Variants in TLE2 observed in about 807,000 individuals in gnomAD.
The protein encoded by TLE2 is transducin-like enhancer protein 2.
Under a neutral mutation model 97.2 loss-of-function variants are expected in TLE2, and 74 were observed. The observed-to-expected ratio is 0.76, with a 90% confidence interval of 0.63 to 0.92. The LOEUF is 0.92. Among genes scored for constraint, TLE2 ranks in the 40% least tolerant of loss-of-function variants. TLE2 has a pLI of 0.00. For missense variants in TLE2, 1,038 were observed against 1,008.7 expected (o/e 1.03, Z -0.39); for synonymous variants, 499 against 432.1 (o/e 1.15, Z -1.92).
intron 14 of TLE2, 122 bp from the exon 15 acceptor site, chr19:3,006,791 TTTG>T: frequency 7.1e-7 from 1 of 1,403,926 alleles, no homozygotes; most frequent in Non-Finnish European, 9.4e-7. Flanking sequence ...TATTTTTTGT[TTTG>T]TTTTTTGAGA....
intron 7 of TLE2, among the ~76,000 whole-genome samples, chr19:3,018,588 T>C (rs2089765936): frequency 7.0e-6 from 1 of 142,544 alleles, no homozygotes; most frequent in African/African-American, 2.6e-5. Flanking sequence ...CCACCGTGCC[T>C]GGCTATCTAT....
upstream of TLE2, among the ~76,000 whole-genome samples, chr19:3,047,246 G>A (rs1448676330): frequency 7.3e-6 from 1 of 137,806 alleles, no homozygotes; most frequent in Non-Finnish European, 1.6e-5. Context: ...AGCCGAGGTC[G>A]CCCGCGGCGC....
rs1306101885 is a variant in TLE2 at position 3,009,677 on chromosome 19, G to A, written c.1038C>T (p.Ser346=). The change falls in exon 13 of 20, where the codon TCC becomes TCT. Residue 346 remains serine (S), a synonymous_variant. Transcript: ENST00000262953. ...GGCTGAAGGACGTGGTGAAGGGACT[G>A]GACAGAGTCAGGGGGCTCCTCAGGG... ...SVALRSPLTL[S]SPFTTSFSLG... 3 of 1,612,554 alleles carry A rather than the reference G, an allele frequency of 1.9e-6. No homozygotes were observed. Among genetic ancestry groups the A allele is most frequent in the South Asian group, 2.2e-5 (2 of 90,692 alleles).
Position 2,997,773 on chromosome 19 carries a change from G to A in TLE2, c.*75C>T, listed in dbSNP as rs1197548219. The A allele has an allele frequency of 1.3e-5, 14 of 1,101,362 alleles. No homozygotes were observed. In the Admixed American group the frequency reaches 2.6e-4, roughly 20 times the overall value. The allele number at this position is 1,101,362 out of a possible 1,614,324, so 68.2% of individuals were successfully genotyped here. A position where few individuals can be genotyped will look rare whatever the true frequency, so the allele number is the denominator to read the frequency against. On this transcript the variant is annotated 3_prime_UTR_variant, in exon 20 of 20. Transcript: ENST00000262953. ...GGTTCCTAGGCAGGGCTGGGAGGCG[G>A]CTGCTAGGATGTCTGTCCTGGCTGC...
rs149234305 is a variant in TLE2, at chr19:3,044,285, G to C, written c.63+1441C>G. On this transcript the variant is annotated intron_variant, in intron 1 of 18. Coordinates refer to the TLE2 transcript ENST00000426948. ...CCCCTGGTGTCCCATGGAGGATCTC[G>C]ATAATCGCACATCTGGGTGTGCCGC... 8.8e-3 allele frequency among the ~76,000 whole-genome samples: 1,336 copies of C among 152,208 alleles called. 13 individuals carry two copies. The highest frequency in any genetic ancestry group is 0.013 in the African/African-American group (555 of 41,528).
chr19:3,032,977 A>G (rs1373114502), upstream of TLE2, among the ~76,000 whole-genome samples: 1 of 149,708 alleles, frequency 6.7e-6, no homozygotes, highest in East Asian at 2.0e-4. The surrounding 1 kb of genome is among the most constrained non-coding windows in gnomAD (Gnocchi z 4.1). Flanking sequence ...TCTGTCGTCC[A>G]GGCTGGAGTG....
intron 5 of TLE2, among the ~76,000 whole-genome samples, chr19:3,024,233 T>C (rs1006305093): frequency 7.9e-5 from 12 of 151,924 alleles, no homozygotes; most frequent in Non-Finnish European, 1.5e-4. Context: ...CTCGAACTCC[T>C]GACCTCTGGT....
chr19:3,007,522 T>C (rs554218780), intron 14 of TLE2, among the ~76,000 whole-genome samples: 1 of 152,246 alleles, frequency 6.6e-6, no homozygotes, highest in South Asian at 2.1e-4. Flanking sequence ...AGCACTGGGA[T>C]TACAGGAGTG....
upstream of TLE2, among the ~76,000 whole-genome samples, chr19:3,031,349 T>C (rs1450727854): frequency 3.5e-5 from 2 of 57,956 alleles, no homozygotes; most frequent in African/African-American, 1.2e-4. Flanking sequence ...CAATTGTGTG[T>C]GTGTGTGTGT....
At chr19:3,027,568 C>T (rs1040647977) in intron 4 of TLE2, among the ~76,000 whole-genome samples, 4 of 152,180 alleles carry the variant, frequency 2.6e-5, no homozygotes, top group Non-Finnish European at 5.9e-5. Flanking sequence ...TGCCTGGTGG[C>T]CCCTGCCCAC....
chr19:3,011,250 A>C, intron 11 of TLE2, 90 bp from the exon 12 acceptor site: 1 of 1,394,496 alleles, frequency 7.2e-7, no homozygotes, highest in East Asian at 2.6e-5. Context: ...GGGGGCGGCC[A>C]GTCGCAGTGT....
chr19:3,029,357 C>G (rs1267188076), upstream of TLE2, among the ~76,000 whole-genome samples: 1 of 144,408 alleles, frequency 6.9e-6, no homozygotes, highest in Non-Finnish European at 1.5e-5. Flanking sequence ...CGCCCACCCC[C>G]GCGCACCGCC....
chr19:2,998,236 A>AGT (rs1568227253), intron 19 of TLE2, among the ~76,000 whole-genome samples: 1 of 85,136 alleles, frequency 1.2e-5, no homozygotes, highest in Non-Finnish European at 2.2e-5. Context: ...ACGCCCGGCC[A>AGT]ATGTGTGTGT....
chr19:3,027,836 T>C lies in TLE2; in HGVS notation c.224A>G (p.His75Arg), dbSNP rs1195437415. 1.9e-6 allele frequency: 3 copies of C among 1,611,614 alleles called. No individual in the cohort carries two copies. The highest frequency in any genetic ancestry group is 2.2e-5 in the East Asian group (1 of 44,862). Residue 75 changes from histidine (H) to arginine (R), a missense_variant, in exon 4 of 20, where the codon CAT becomes CGT. Coordinates refer to ENST00000262953, the MANE Select transcript of TLE2 (RefSeq NM_003260.5). ...TAACCCCAACCCAGTTACCTGCTTA[T>C]GCATTTCAATGTTGAGCCCGTACGA... ...EMSYGLNIEM[H>R]KQAEIVKRLS...
intron 8 of TLE2, among the ~76,000 whole-genome samples, chr19:3,017,000 A>T (rs747645897): frequency 9.9e-5 from 15 of 151,892 alleles, no homozygotes; most frequent in Non-Finnish European, 1.5e-4. Flanking sequence ...CTGGTCTCGA[A>T]CTCCTGACCT....
intron 1 of TLE2, among the ~76,000 whole-genome samples, chr19:3,045,317 T>C (rs1202600685): frequency 7.2e-5 from 11 of 152,148 alleles, no homozygotes; most frequent in Non-Finnish European, 4.4e-5. Context: ...CCTGGGACCA[T>C]GCGTGAACAC....
chr19:3,043,644 A>T (rs1321666054), intron 1 of TLE2, among the ~76,000 whole-genome samples: 1 of 66,160 alleles, frequency 1.5e-5, no homozygotes, highest in African/African-American at 1.1e-4. Flanking sequence ...CTAAAAATAC[A>T]AAAAAAAAAA....
chr19:3,009,953 C>T (rs1408073579), intron 12 of TLE2, among the ~76,000 whole-genome samples: 2 of 151,520 alleles, frequency 1.3e-5, no homozygotes, highest in South Asian at 2.1e-4. Flanking sequence ...GGCGCGATCT[C>T]GGCTCACTGA....
chr19:3,024,690 G>A (rs1049540279), intron 5 of TLE2, among the ~76,000 whole-genome samples: 1 of 152,190 alleles, frequency 6.6e-6, no homozygotes, highest in Non-Finnish European at 1.5e-5. Flanking sequence ...AGAGACAAGT[G>A]TCCTGCCTGA....
Sources: allele counts gnomAD v4.1 joint callset (sites outside exome capture counted in the v4.1 genomes callset), GRCh38; gene constraint gnomAD v4.1.1; non-coding constraint Gnocchi (gnomAD v3.1); transcripts MANE v1.5; gene names NCBI Gene and HGNC (gene_info 2026-07-23, HGNC 2026-07-21).